The following HIGD1A variants were observed in gnomAD, a reference collection of about 807,000 sequenced individuals.
The protein encoded by HIGD1A is HIG1 hypoxia inducible domain family member 1A.
Under a neutral mutation model 11.3 loss-of-function variants are expected in HIGD1A, and 8 were observed. The observed-to-expected ratio is 0.71, with a 90% confidence interval of 0.42 to 1.28. The LOEUF is 1.28. Ranked by LOEUF, HIGD1A falls within the 50% of genes most tolerant of loss-of-function variation. The probability of loss-of-function intolerance (pLI) is 0.01; values close to 1 mark genes in which losing one functional copy is unlikely to be tolerated. For synonymous variants in HIGD1A, 32 were observed against 38.4 expected, an observed-to-expected ratio of 0.83 and a Z score of 0.62; for missense variants, 107 against 118.8, an observed-to-expected ratio of 0.90 and a Z score of 0.46.
chr3:42,786,022 A>G lies in HIGD1A; in HGVS notation c.232+6T>C. 4 of 1,612,004 alleles carry G rather than the reference A, an allele frequency of 2.5e-6. No homozygotes were observed. The South Asian group carries it at 4.4e-5, about 18-fold the overall frequency. ...CGAAAATTTGAAATTTCCTATAGGA[A>G]CCTACCAACAGTCATTGCTCCTACA... On this transcript the variant is annotated splice_donor_region_variant and intron_variant, in intron 3 of 3. Transcript: ENST00000321331.
chr3:42,803,769 C>T (rs1700600388), intron 1 of HIGD1A, among the ~76,000 whole-genome samples: 1 of 152,234 alleles, frequency 6.6e-6, no homozygotes, highest in Non-Finnish European at 1.5e-5. Flanking sequence ...TTACGCTGTG[C>T]TTTGTAATCT....
At chr3:42,790,834 T>C (rs1007614583) in intron 2 of HIGD1A, among the ~76,000 whole-genome samples, 12 of 152,194 alleles carry the variant, frequency 7.9e-5, no homozygotes, top group Non-Finnish European at 1.8e-4. Flanking sequence ...GGCGTCTTCC[T>C]ATGTTTCCCA....
intron 1 of HIGD1A, among the ~76,000 whole-genome samples, chr3:42,796,736 A>C (rs952057791): frequency 6.6e-6 from 1 of 152,030 alleles, no homozygotes; most frequent in East Asian, 1.9e-4. Flanking sequence ...GTGCTGAGTC[A>C]GTTCCTAGGT....
Position 42,785,200 on chromosome 3 carries a change from A to G in HIGD1A, c.*71T>C. The G allele has an allele frequency of 8.7e-7, 1 of 1,155,786 alleles. No homozygotes were observed. The highest frequency in any genetic ancestry group is 1.3e-6 in the Non-Finnish European group (1 of 783,018). 71.6% of individuals were successfully genotyped at this position (1,155,786 alleles called of 1,614,324 possible). A position where few individuals can be genotyped will look rare whatever the true frequency, so the allele number is the denominator to read the frequency against. The stretch of plus-strand genomic sequence containing the variant: ...AAATTAGTTTATTTCCAACAATAAT[A>G]GGTAACTTTAATAATAAGACATCTA... On this transcript the variant is annotated 3_prime_UTR_variant, in exon 4 of 4. Transcript: ENST00000321331.
At position 42,783,631 on chromosome 3, in the gene HIGD1A, C is replaced by T. The variant is rs953014140; in HGVS notation, c.*1640G>A. Among the ~76,000 whole-genome samples the T allele has an allele frequency of 6.6e-5, 10 of 151,984 alleles. No individual in the cohort carries two copies. The highest frequency in any genetic ancestry group is 1.9e-4 in the African/African-American group (8 of 41,360). On this transcript the variant is annotated 3_prime_UTR_variant, in exon 4 of 4. Transcript: ENST00000321331. ...CTCTGTCTCAAAATAAACAAACAAA[C>T]AAACAAACAAACAGTATAAGAGTAA...
At chr3:42,802,501 A>G (rs1274403525) in intron 1 of HIGD1A, among the ~76,000 whole-genome samples, 2 of 152,258 alleles carry the variant, frequency 1.3e-5, no homozygotes, top group East Asian at 1.9e-4. Context: ...TCAAAATATT[A>G]TAATTCCCAT....
chr3:42,802,015 C>A lies in HIGD1A; in HGVS notation c.-23+2421G>T, dbSNP rs558274217. ...ACTGCACTCCAGCCGGGGCAACAGG[C>A]AAGACCCTTGCTGAGGGACCCAACA... is the stretch of plus-strand genomic sequence containing the variant. On this transcript the variant is annotated intron_variant, in intron 1 of 3. Coordinates refer to ENST00000321331, the MANE Select transcript of HIGD1A (RefSeq NM_014056.4). Among the ~76,000 whole-genome samples, 8 of 152,248 alleles carry A rather than the reference C, an allele frequency of 5.3e-5. No individual in the cohort carries two copies. The South Asian group carries it at 1.0e-3, about 20-fold the overall frequency.
At position 42,796,449 on chromosome 3, in the gene HIGD1A, A is replaced by ATT. The variant is rs1559677850; in HGVS notation, c.-22-2175_-22-2174insAA. ...AATTAGTTGTTGTTTTTTTTTTTAA[A>ATT]AAAAAAAGAGAAATCATGTAACCGC... is the stretch of plus-strand genomic sequence containing the variant. On this transcript the variant is annotated intron_variant, in intron 1 of 3. Coordinates refer to ENST00000321331, the MANE Select transcript of HIGD1A (RefSeq NM_014056.4). Among the ~76,000 whole-genome samples the ATT allele has an allele frequency of 2.0e-3, 151 of 74,608 alleles. 3 individuals carry two copies. In the South Asian group the frequency reaches 0.035, roughly 17 times the overall value. 48.9% of individuals were successfully genotyped at this position (74,608 alleles called of 152,430 possible). A position where few individuals can be genotyped will look rare whatever the true frequency, so the allele number is the denominator to read the frequency against.
intron 1 of HIGD1A, among the ~76,000 whole-genome samples, chr3:42,800,379 C>A (rs930367354): frequency 4.6e-5 from 7 of 151,804 alleles, no homozygotes; most frequent in Non-Finnish European, 1.0e-4. Flanking sequence ...AAAAACATGA[C>A]CTTCTCAAAG....
chr3:42,790,636 A>G (rs1391298515), intron 2 of HIGD1A, among the ~76,000 whole-genome samples: 2 of 152,234 alleles, frequency 1.3e-5, no homozygotes, highest in Non-Finnish European at 2.9e-5. Flanking sequence ...GACCTAGAGA[A>G]AACAATAAAA....
intron 2 of HIGD1A, among the ~76,000 whole-genome samples, chr3:42,792,191 T>C (rs1700428463): frequency 1.3e-5 from 2 of 152,176 alleles, no homozygotes; most frequent in Admixed American, 6.5e-5. Flanking sequence ...ATTAATTATA[T>C]GGTCAGAAGA....
Position 42,786,136 on chromosome 3 carries a change from C to G in HIGD1A, c.124G>C (p.Ala42Pro). 3.7e-6 allele frequency: 6 copies of G among 1,614,024 alleles called. No individual in the cohort carries two copies. Among genetic ancestry groups the G allele is most frequent in the Non-Finnish European group, 5.1e-6 (6 of 1,179,978 alleles). ...CTCTTCAGTTTATATAATCCATATGCAACAATTGCTGCAAAACCCGCTATT... is the reference window on the plus strand; with the variant it reads ...CTCTTCAGTTTATATAATCCATATGGAACAATTGCTGCAAAACCCGCTATT... ...VGIAGFAAIV[A>P]YGLYKLKSRG... Residue 42 changes from alanine to proline, a missense_variant, in exon 3 of 4, where the codon GCA (alanine) becomes CCA (proline). Transcript: ENST00000321331.
rs376122525 is a variant in HIGD1A at position 42,794,175 on chromosome 3, C to T, written c.79G>A (p.Ala27Thr). The change falls in exon 2 of 4, where the codon GCA (alanine) becomes ACA (threonine). Residue 27 changes from alanine (A) to threonine (T), a missense_variant. Physicochemically the swap from Ala to Thr is moderately conservative, Grantham distance 58. Transcript: ENST00000321331. ...GSKLIRKAKE[A>T]PFVPVGIAGF... The stretch of plus-strand genomic sequence containing the variant: ...AACTTACCAACGGGTACGAATGGTG[C>T]CTCTTTAGCTTTTCGAATGAGTTTT... The T allele has an allele frequency of 5.0e-6, 8 of 1,602,240 alleles. No individual in the cohort carries two copies. The East Asian group carries it at 6.8e-5, about 14-fold the overall frequency.
At chr3:42,789,942 G>C (rs1700401255) in intron 2 of HIGD1A, among the ~76,000 whole-genome samples, 1 of 151,834 alleles carries the variant, frequency 6.6e-6, no homozygotes, top group South Asian at 2.1e-4. Flanking sequence ...AGGCTGTCTT[G>C]AACTCCTAGG....
intron 1 of HIGD1A, among the ~76,000 whole-genome samples, chr3:42,795,541 G>A (rs1700485874): frequency 1.3e-5 from 2 of 152,132 alleles, no homozygotes; most frequent in East Asian, 3.9e-4. Context: ...TAACATCACT[G>A]CAGCACAAAA....
intron 1 of HIGD1A, among the ~76,000 whole-genome samples, chr3:42,803,569 T>C (rs1700597182): frequency 6.6e-6 from 1 of 152,248 alleles, no homozygotes. Flanking sequence ...GACCAGGTTG[T>C]CACCGCTTCA....
At chr3:42,804,226 AC>A in intron 1 of HIGD1A, 1 of 1,607,002 alleles carries the variant, frequency 6.2e-7, no homozygotes, top group Non-Finnish European at 8.5e-7. Context: ...CACCCGAAGG[AC>A]CCTAGGCCTC....
chr3:42,793,002 G>C (rs1305792928), intron 2 of HIGD1A, among the ~76,000 whole-genome samples: 3 of 148,852 alleles, frequency 2.0e-5, no homozygotes, highest in African/African-American at 7.4e-5. Flanking sequence ...AAAAAAAGTC[G>C]AGTTTCGAAT....
intron 2 of HIGD1A, among the ~76,000 whole-genome samples, chr3:42,788,842 C>A (rs1700383804): frequency 6.6e-6 from 1 of 151,554 alleles, no homozygotes; most frequent in Non-Finnish European, 1.5e-5. Flanking sequence ...CCTGCCACTG[C>A]ACTCCAGCCT....
Sources: allele counts gnomAD v4.1 joint callset (sites outside exome capture counted in the v4.1 genomes callset), GRCh38; gene constraint gnomAD v4.1.1; transcripts MANE v1.5; gene names NCBI Gene and HGNC (gene_info 2026-07-23, HGNC 2026-07-21).